FAM118B: variants seen among roughly 807,000 people sequenced by gnomAD.
The protein encoded by FAM118B is SIR2 antiphage like 1, also known as protein FAM118B.
Under a neutral mutation model 38.5 loss-of-function variants are expected in FAM118B, and 24 were observed. The observed-to-expected ratio is 0.62, with a 90% confidence interval of 0.45 to 0.88. The LOEUF (loss-of-function observed/expected upper bound fraction) is 0.88. Among genes scored for constraint, FAM118B ranks in the 40% least tolerant of loss-of-function variants. FAM118B has a pLI of 0.00. For synonymous variants in FAM118B, 138 were observed against 156.3 expected, an observed-to-expected ratio of 0.88 and a Z score of 0.87; for missense variants, 334 against 420.0, an observed-to-expected ratio of 0.80 and a Z score of 1.79.
rs138443841 is a variant in FAM118B, at chr11:126,231,792, G to T, written c.-8+2499G>T. 8.5e-5 allele frequency among the ~76,000 whole-genome samples: 13 copies of T among 152,282 alleles called. No homozygotes were observed. In the East Asian group the frequency reaches 1.9e-3, roughly 23 times the overall value. ...GGCAGAAATAGAATCCAGCAAAAAC[G>T]ATCTTACGTAATTTCCAGGACAAAA... On this transcript the variant is annotated intron_variant, in intron 2 of 8. Coordinates refer to ENST00000533050, the MANE Select transcript of FAM118B (RefSeq NM_024556.4).
chr11:126,222,385 C>G (rs926333035), intron 1 of FAM118B, among the ~76,000 whole-genome samples: 85 of 152,244 alleles, frequency 5.6e-4, no homozygotes, highest in African/African-American at 2.0e-3. Flanking sequence ...AATTCAGTTC[C>G]TAGCATTTTA....
At chr11:126,233,417 G>A (rs925506228) in intron 2 of FAM118B, among the ~76,000 whole-genome samples, 8 of 152,158 alleles carry the variant, frequency 5.3e-5, no homozygotes, top group South Asian at 2.1e-4. Context: ...GCCAGGAGGC[G>A]GAGGTTGCAG....
chr11:126,235,772 G>T (rs967036692), intron 3 of FAM118B, among the ~76,000 whole-genome samples: 2 of 151,642 alleles, frequency 1.3e-5, no homozygotes, highest in Admixed American at 6.6e-5. Context: ...ACCCGCCTCG[G>T]CCTCCCAAAG....
At position 126,261,580 on chromosome 11, in the gene FAM118B, C is replaced by T. The variant is rs138057573; in HGVS notation, c.1042+96C>T. On this transcript the variant is annotated intron_variant, in intron 8 of 8. Coordinates refer to ENST00000533050, the MANE Select transcript of FAM118B (RefSeq NM_024556.4). ...ATAGAGAATGTTACTTTGGACCTCA[C>T]ATTGCCAAATTTTAAAAAACACTGT... 9.5e-5 allele frequency: 94 copies of T among 991,344 alleles called. No individual in the cohort carries two copies. The African/African-American group carries it at 1.3e-3, about 14-fold the overall frequency. The allele number at this position is 991,344 out of a possible 1,614,324, so 61.4% of individuals were successfully genotyped here. A position where few individuals can be genotyped will look rare whatever the true frequency, so the allele number is the denominator to read the frequency against.
At chr11:126,254,275 A>G (rs764239211) in intron 5 of FAM118B, 30 bp from the exon 6 acceptor site, 11 of 1,607,574 alleles carry the variant, frequency 6.8e-6, no homozygotes, top group African/African-American at 5.3e-5. Context: ...AGCCCTGCCA[A>G]GCTGGTTGGG....
chr11:126,249,791 T>A (rs1950473379), intron 4 of FAM118B, among the ~76,000 whole-genome samples: 1 of 149,126 alleles, frequency 6.7e-6, no homozygotes, highest in Non-Finnish European at 1.5e-5. Context: ...CAATTAGGGC[T>A]GTGTCTCAGT....
chr11:126,223,577 A>G (rs910723682), intron 1 of FAM118B, among the ~76,000 whole-genome samples: 2 of 146,436 alleles, frequency 1.4e-5, no homozygotes, highest in African/African-American at 5.1e-5. Flanking sequence ...GCCTGGGCGA[A>G]AGAGCGAAAA....
At chr11:126,232,943 G>A (rs1384901274) in intron 2 of FAM118B, among the ~76,000 whole-genome samples, 6 of 152,024 alleles carry the variant, frequency 3.9e-5, no homozygotes, top group African/African-American at 7.2e-5. Flanking sequence ...CTGGGAAGTC[G>A]TTAGACTGTA....
At chr11:126,225,885 C>T (rs186566432) in intron 1 of FAM118B, among the ~76,000 whole-genome samples, 2 of 152,242 alleles carry the variant, frequency 1.3e-5, no homozygotes, top group East Asian at 3.9e-4. Context: ...GAGGCTGAAG[C>T]AGGAGAACTG....
intron 7 of FAM118B, among the ~76,000 whole-genome samples, chr11:126,257,163 A>G (rs1351593048): frequency 2.6e-5 from 4 of 152,230 alleles, no homozygotes; most frequent in African/African-American, 9.6e-5. Flanking sequence ...AGATCACCCA[A>G]TTTTGGCTAA....
Position 126,250,491 on chromosome 11 carries a change from C to G in FAM118B, c.340-15C>G. Reference sequence around the variant, plus strand: ...GCACTTTGGACTAATTTTCTTTTTTCAAATCCCTCCTCAGCGTACCAGTAA... The same window carrying G: ...GCACTTTGGACTAATTTTCTTTTTTGAAATCCCTCCTCAGCGTACCAGTAA... On this transcript the variant is annotated splice_polypyrimidine_tract_variant and intron_variant, in intron 4 of 8. Coordinates refer to ENST00000533050, the MANE Select transcript of FAM118B (RefSeq NM_024556.4). This position sits in a 1 kb window ranked among gnomAD's most constrained non-coding sequence, Gnocchi z 5.1. The G allele has an allele frequency of 6.3e-7, 1 of 1,588,770 alleles. No homozygotes were observed. The highest frequency in any genetic ancestry group is 8.6e-7 in the Non-Finnish European group (1 of 1,161,076).
At chr11:126,240,265 C>T (rs1591516307) in intron 3 of FAM118B, among the ~76,000 whole-genome samples, 1 of 146,022 alleles carries the variant, frequency 6.8e-6, no homozygotes, top group African/African-American at 2.5e-5. Context: ...CTATTGGCCA[C>T]TTTTTTTTTC....
chr11:126,258,703 A>C (rs1950620700), intron 7 of FAM118B, among the ~76,000 whole-genome samples: 1 of 152,194 alleles, frequency 6.6e-6, no homozygotes, highest in South Asian at 2.1e-4. Flanking sequence ...TCTGTTGCAC[A>C]TGTTGTTTTC....
At position 126,250,376 on chromosome 11, in the gene FAM118B, C is replaced by T. The variant is rs1484604759; in HGVS notation, c.340-130C>T. 7 of 635,198 alleles carry T rather than the reference C, an allele frequency of 1.1e-5. No individual in the cohort carries two copies. The highest frequency in any genetic ancestry group is 1.4e-5 in the Non-Finnish European group (5 of 365,676). 39.3% of individuals were successfully genotyped at this position (635,198 alleles called of 1,614,324 possible). A position where few individuals can be genotyped will look rare whatever the true frequency, so the allele number is the denominator to read the frequency against. ...AAAGTGCTGGGATTACAGGCGTGAG[C>T]CACTGCGCCTGGCCTTTATCTCTGT... On this transcript the variant is annotated intron_variant, in intron 4 of 8. Transcript: ENST00000533050. The surrounding 1 kb of genome is among the most constrained non-coding windows in gnomAD (Gnocchi z 5.1).
At chr11:126,254,663 G>A (rs182682514) in intron 6 of FAM118B, among the ~76,000 whole-genome samples, 6 of 152,250 alleles carry the variant, frequency 3.9e-5, no homozygotes, top group Admixed American at 3.9e-4. Flanking sequence ...CGAGACTCTT[G>A]TCTTTACAAA....
At chr11:126,236,061 C>T (rs946195696) in intron 3 of FAM118B, among the ~76,000 whole-genome samples, 9 of 152,188 alleles carry the variant, frequency 5.9e-5, no homozygotes, top group African/African-American at 2.2e-4. Context: ...ATGGATTCTT[C>T]CTTCTGGATG....
In FAM118B at chr11:126,253,309, T is replaced by C. The variant is rs1950530810; in HGVS notation, c.568-996T>C. 6.6e-6 allele frequency among the ~76,000 whole-genome samples: 1 copy of C among 152,196 alleles called. No homozygotes were observed. The highest frequency in any genetic ancestry group is 6.5e-5 in the Admixed American group (1 of 15,276). ...TAGTCAGAATGGGGCCTAGTAACAT[T>C]CAAATTCTAAATCTCGGTGCCTCTT... is the stretch of plus-strand genomic sequence containing the variant. On this transcript the variant is annotated intron_variant, in intron 5 of 8. Transcript: ENST00000533050. This position sits in a 1 kb window ranked among gnomAD's most constrained non-coding sequence, Gnocchi z 5.1.
At chr11:126,223,601 TC>T (rs1950098096) in intron 1 of FAM118B, among the ~76,000 whole-genome samples, 1 of 141,328 alleles carries the variant, frequency 7.1e-6, no homozygotes, top group Non-Finnish European at 1.5e-5. Context: ...AAAAAAAAAA[TC>T]TTTTGCTGCT....
intron 7 of FAM118B, among the ~76,000 whole-genome samples, chr11:126,258,993 C>A (rs1414893391): frequency 6.6e-6 from 1 of 152,158 alleles, no homozygotes; most frequent in Admixed American, 6.5e-5. Flanking sequence ...GAGTAGCTTT[C>A]CCCGAAGTTA....
Sources: gnomAD v4.1 joint callset for allele counts (sites outside exome capture counted in the v4.1 genomes callset) on GRCh38, gnomAD v4.1.1 for gene constraint, Gnocchi (gnomAD v3.1) non-coding constraint, MANE v1.5 for transcripts, NCBI Gene and HGNC (gene_info 2026-07-23, HGNC 2026-07-21) for gene names.